The following KALRN variants were observed in gnomAD, a reference collection of about 807,000 sequenced individuals.
KALRN encodes the protein kalirin RhoGEF kinase, also known as kalirin.
KALRN carries 70 observed loss-of-function variants against 353.7 expected under a neutral mutation model. The ratio of observed to expected loss-of-function variants is 0.20; its 90% CI spans 0.16 to 0.24. The LOEUF is 0.24. Among genes scored for constraint, KALRN ranks in the 10% least tolerant of loss-of-function variants. The probability of loss-of-function intolerance (pLI) is 1.00; values close to 1 mark genes in which losing one functional copy is unlikely to be tolerated. For missense variants in KALRN, 2,791 were observed against 3,756.7 expected (o/e 0.74, Z 6.72); for synonymous variants, 1,391 against 1,434.8 (o/e 0.97, Z 0.69).
chr3:124,041,164 G>A (rs2039931027), intron 1 of KALRN, among the ~76,000 whole-genome samples: 1 of 152,148 alleles, frequency 6.6e-6, no homozygotes, highest in African/African-American at 2.4e-5. Flanking sequence ...TAAAAGGGGA[G>A]GGAAAAGTCT....
At position 124,334,876 on chromosome 3, in the gene KALRN, C is replaced by T. The variant is rs573768947; in HGVS notation, c.1647+381C>T. 2.6e-5 allele frequency among the ~76,000 whole-genome samples: 4 copies of T among 152,254 alleles called. No individual in the cohort carries two copies. In the East Asian group the frequency reaches 7.7e-4, roughly 29 times the overall value. On this transcript the variant is annotated intron_variant, in intron 9 of 59. Coordinates refer to ENST00000682506, the MANE Select transcript of KALRN (RefSeq NM_001388419.1). The surrounding 1 kb of genome is among the most constrained non-coding windows in gnomAD (Gnocchi z 4.2). ...GTGGTGTGATCTTGGCTCACTGCAA[C>T]CTCCGCTTTCTGGGTTCAAGCGATT...
At chr3:124,502,390 G>A (rs1027121685) in intron 33 of KALRN, among the ~76,000 whole-genome samples, 1 of 152,180 alleles carries the variant, frequency 6.6e-6, no homozygotes, top group Non-Finnish European at 1.5e-5. Context: ...GTTTGTGTCG[G>A]TTGTGAGCTG....
chr3:124,477,603 A>G (rs2061551491), intron 27 of KALRN, among the ~76,000 whole-genome samples: 1 of 152,216 alleles, frequency 6.6e-6, no homozygotes, highest in Non-Finnish European at 1.5e-5. Flanking sequence ...ACATGTTTAG[A>G]GGAGGGCCAC....
At chr3:124,716,181 A>G (rs1384107017) in intron 58 of KALRN, among the ~76,000 whole-genome samples, 2 of 152,174 alleles carry the variant, frequency 1.3e-5, no homozygotes, top group African/African-American at 4.8e-5. Flanking sequence ...CATGTTCTCA[A>G]TCACAGTTCT....
intron 1 of KALRN, among the ~76,000 whole-genome samples, chr3:124,160,125 A>G (rs969169035): frequency 2.0e-5 from 3 of 150,306 alleles, no homozygotes; most frequent in Non-Finnish European, 4.4e-5. Flanking sequence ...TGCAGATATA[A>G]TTAGTTAAGA....
At chr3:124,418,151 A>AT (rs1382525465) in intron 14 of KALRN, among the ~76,000 whole-genome samples, 5 of 121,992 alleles carry the variant, frequency 4.1e-5, no homozygotes, top group Admixed American at 1.8e-4. Flanking sequence ...TGGGCTTTTT[A>AT]TTTTTATTTT....
chr3:124,048,824 G>T (rs978973409), intron 1 of KALRN, among the ~76,000 whole-genome samples: 8 of 152,134 alleles, frequency 5.3e-5, no homozygotes, highest in Non-Finnish European at 5.9e-5. Context: ...CTGTTGTGAG[G>T]ATGTGTTACT....
intron 14 of KALRN, among the ~76,000 whole-genome samples, chr3:124,421,279 A>G (rs1352789865): frequency 6.6e-6 from 1 of 152,220 alleles, no homozygotes; most frequent in Non-Finnish European, 1.5e-5. Context: ...AAGAAACAAC[A>G]TGTGTCACAA....
Position 124,657,432 on chromosome 3 carries a change from G to T in KALRN, c.5863-16G>T. ...CTGTGAAAATATGCTACTAACCATTGCCTTTGCTGCTGCAGGGCTTCATGA... is the reference window on the plus strand; with the variant it reads ...CTGTGAAAATATGCTACTAACCATTTCCTTTGCTGCTGCAGGGCTTCATGA... On this transcript the variant is annotated splice_polypyrimidine_tract_variant and intron_variant, in intron 39 of 59. Coordinates refer to ENST00000682506, the MANE Select transcript of KALRN (RefSeq NM_001388419.1). The T allele has an allele frequency of 1.3e-6, 2 of 1,582,330 alleles. No individual in the cohort carries two copies. The highest frequency in any genetic ancestry group is 2.2e-5 in the East Asian group (1 of 44,730).
At chr3:124,069,541 G>A (rs2042677487) in intron 1 of KALRN, among the ~76,000 whole-genome samples, 1 of 152,282 alleles carries the variant, frequency 6.6e-6, no homozygotes, top group African/African-American at 2.4e-5. Flanking sequence ...GCTTAAGAAA[G>A]GCAGGCAGGT....
chr3:124,118,495 GC>G (rs1174305326), intron 1 of KALRN, among the ~76,000 whole-genome samples: 2 of 152,120 alleles, frequency 1.3e-5, no homozygotes, highest in African/African-American at 4.8e-5. Context: ...CAACTTTCCA[GC>G]CCCCAGAAGC....
chr3:124,276,463 A>G (rs2074734250), intron 5 of KALRN, among the ~76,000 whole-genome samples: 1 of 152,086 alleles, frequency 6.6e-6, no homozygotes, highest in African/African-American at 2.4e-5. Flanking sequence ...GCCTGGGGTG[A>G]CCAGAACCAG....
intron 5 of KALRN, among the ~76,000 whole-genome samples, chr3:124,293,041 G>T (rs1047214820): frequency 6.6e-6 from 1 of 152,124 alleles, no homozygotes; most frequent in Admixed American, 6.5e-5. Flanking sequence ...ATTTTATTTT[G>T]GAATTGACTG....
At chr3:124,678,148 C>A in intron 49 of KALRN, 42 bp from the exon 50 acceptor site, 3 of 1,607,540 alleles carry the variant, frequency 1.9e-6, no homozygotes, top group Non-Finnish European at 2.5e-6. Flanking sequence ...CATCGCTGTC[C>A]CTGACCTGCC....
intron 56 of KALRN, among the ~76,000 whole-genome samples, chr3:124,701,616 C>G (rs1282191366): frequency 6.6e-6 from 1 of 152,040 alleles, no homozygotes; most frequent in Admixed American, 6.5e-5. Context: ...AGAGAAATTT[C>G]TAAAATGTCT....
At chr3:124,224,096 G>A (rs2078216489) in intron 1 of KALRN, among the ~76,000 whole-genome samples, 1 of 151,880 alleles carries the variant, frequency 6.6e-6, no homozygotes, top group South Asian at 2.1e-4. Context: ...TCCTTAAGAA[G>A]AGGCACAACA....
intron 1 of KALRN, among the ~76,000 whole-genome samples, chr3:124,086,517 C>T (rs573733996): frequency 6.6e-6 from 1 of 151,894 alleles, no homozygotes; most frequent in Non-Finnish European, 1.5e-5. Flanking sequence ...TATTTTTATA[C>T]CATGTTGTTA....
chr3:124,678,060 G>T, intron 49 of KALRN, 130 bp from the exon 50 acceptor site: 3 of 953,508 alleles, frequency 3.1e-6, no homozygotes, highest in Non-Finnish European at 4.9e-6. Context: ...TGGTGTGCAG[G>T]TTTGGGGCCT....
intron 34 of KALRN, among the ~76,000 whole-genome samples, chr3:124,575,125 A>G (rs1174023748): frequency 3.9e-5 from 6 of 152,212 alleles, no homozygotes; most frequent in Non-Finnish European, 7.4e-5. Context: ...CAGTTACTGA[A>G]CAGCCTGCCC....
Sources: gnomAD v4.1 joint callset for allele counts (sites outside exome capture counted in the v4.1 genomes callset) on GRCh38, gnomAD v4.1.1 for gene constraint, Gnocchi (gnomAD v3.1) non-coding constraint, MANE v1.5 for transcripts, NCBI Gene and HGNC (gene_info 2026-07-23, HGNC 2026-07-21) for gene names.